The following DMD variants were observed in gnomAD, a reference collection of about 807,000 sequenced individuals.
The protein encoded by DMD is dystrophin.
Under a neutral mutation model 330.1 loss-of-function variants are expected in DMD, and 63 were observed. The ratio of observed to expected loss-of-function variants is 0.19; its 90% CI spans 0.16 to 0.24. The LOEUF is 0.24. Ranked by LOEUF, DMD falls within the 10% of genes least tolerant of loss-of-function variation. The probability of loss-of-function intolerance (pLI) is 1.00; values close to 1 mark genes in which losing one functional copy is unlikely to be tolerated. For missense variants in DMD, 3,344 were observed against 2,684.1 expected, an observed-to-expected ratio of 1.25 and a Z score of -5.43; for synonymous variants, 1,223 against 959.8, an observed-to-expected ratio of 1.27 and a Z score of -5.07.
intron 2 of DMD, among the ~76,000 whole-genome samples, chrX:32,854,873 C>A (rs1426289123): frequency 9.0e-6 from 1 of 111,538 alleles, no homozygotes; most frequent in Non-Finnish European, 1.9e-5. Context: ...AGACAGATAT[C>A]CAGAAAACAA....
intron 1 of DMD, among the ~76,000 whole-genome samples, chrX:33,188,249 T>C (rs1053314185): frequency 9.1e-6 from 1 of 110,380 alleles, no homozygotes; most frequent in South Asian, 3.9e-4. Context: ...TCTCTCTCTC[T>C]CTCTCTCTGT....
intron 7 of DMD, among the ~76,000 whole-genome samples, chrX:32,707,917 ACT>A (rs955012259): frequency 1.8e-5 from 2 of 111,520 alleles, no homozygotes; most frequent in African/African-American, 3.3e-5. Flanking sequence ...GTGACATTTA[ACT>A]CTGCTTAAGT....
intron 7 of DMD, among the ~76,000 whole-genome samples, chrX:32,784,803 C>T (rs1314691610): frequency 3.6e-5 from 4 of 111,433 alleles, no homozygotes; most frequent in African/African-American, 1.3e-4. Flanking sequence ...AAAACATGCT[C>T]TGTACTTTAA....
chrX:32,533,035 G>C (rs1214765398), intron 17 of DMD, among the ~76,000 whole-genome samples: 3 of 111,432 alleles, frequency 2.7e-5, no homozygotes, highest in African/African-American at 9.8e-5. Flanking sequence ...GAGTTGAGTA[G>C]TTTTAAAATA....
chrX:31,946,285 G>A (rs1258868052), intron 45 of DMD, among the ~76,000 whole-genome samples: 2 of 111,437 alleles, frequency 1.8e-5, no homozygotes, highest in East Asian at 5.6e-4. Flanking sequence ...CTTTTATCAA[G>A]GTAGAAGAAA....
intron 38 of DMD, among the ~76,000 whole-genome samples, chrX:32,346,374 G>A (rs2097763862): frequency 9.0e-6 from 1 of 111,276 alleles, no homozygotes; most frequent in South Asian, 3.7e-4. Flanking sequence ...TACTGTGAAA[G>A]TATTCTTTTG....
chrX:33,211,387 C>T lies in DMD; in HGVS notation c.-75G>A, dbSNP rs778938887. On this transcript the variant is annotated 5_prime_UTR_variant, in exon 1 of 79. Coordinates refer to ENST00000357033, the MANE Select transcript of DMD (RefSeq NM_004006.3). ...CTTCAAACTTTATTGCTCCAGTAGG[C>T]TTAAAAACAATGAGAAACCAACAAA... 169 of 1,181,096 alleles carry T rather than the reference C, an allele frequency of 1.4e-4. No individual in the cohort carries two copies. Among genetic ancestry groups the T allele is most frequent in the Middle Eastern group, 4.7e-4 (2 of 4,257 alleles).
At chrX:32,575,315 A>G (rs1218314804) in intron 13 of DMD, among the ~76,000 whole-genome samples, 1 of 112,389 alleles carries the variant, frequency 8.9e-6, no homozygotes, top group East Asian at 2.8e-4. Context: ...ATTTTCCTAC[A>G]GTATTAACAT....
chrX:32,422,746 T>C (rs967008302), intron 29 of DMD, among the ~76,000 whole-genome samples: 11 of 111,731 alleles, frequency 9.8e-5, no homozygotes, highest in African/African-American at 3.6e-4. Flanking sequence ...CAAAGAAATG[T>C]TGTTTAACAT....
Position 32,554,965 on chromosome X carries a change from AAGAGAG to A in DMD, c.1993-9637_1993-9632del, listed in dbSNP as rs201281719. 1.2e-3 allele frequency among the ~76,000 whole-genome samples: 112 copies of A among 96,748 alleles called. 4 individuals are homozygous for A. Among genetic ancestry groups the A allele is most frequent in the African/African-American group, 4.0e-3 (106 of 26,814 alleles). The allele number at this position is 96,748 out of a possible 115,157, so 84.0% of individuals were successfully genotyped here. ...AGAGAGAGAGAGGGAGAGAGAAAGA[AAGAGAG>A]AGAGAGAGAGAGAAAGAAAGAGAGA... On this transcript the variant is annotated intron_variant, in intron 16 of 78. Transcript: ENST00000357033.
intron 55 of DMD, among the ~76,000 whole-genome samples, chrX:31,614,184 T>C (rs2078077625): frequency 1.8e-5 from 2 of 112,253 alleles, no homozygotes; most frequent in Admixed American, 9.4e-5. Context: ...CCTGGTCAAG[T>C]GGTTCATAAA....
intron 41 of DMD, among the ~76,000 whole-genome samples, chrX:32,317,780 A>G (rs2097588433): frequency 9.0e-6 from 1 of 110,767 alleles, no homozygotes. Context: ...TCAATGCATC[A>G]AAAGTGTAAC....
Position 31,348,648 on chromosome X carries a change from G to GAGAGAAAT in DMD, c.9085-22_9085-15dup. ...CTCGACGGCCACCTGGGAGGAAAAG[G>GAGAGAAAT]AGAGAAATGATGTTCTCTCATTCTA... is the stretch of plus-strand genomic sequence containing the variant. On this transcript the variant is annotated splice_polypyrimidine_tract_variant and intron_variant, in intron 60 of 78. Transcript: ENST00000357033. The GAGAGAAAT allele has an allele frequency of 8.4e-7, 1 of 1,184,333 alleles. No homozygotes were observed.
At position 31,910,327 on chromosome X, in the gene DMD, T is replaced by C. The variant is rs778013712; in HGVS notation, c.6912+19269A>G. ...GCAAGCAAGGAATTCAGCTTTGTTCTAGACTGCTGTTTGGCACAGTCTTAG... is the reference window on the plus strand; with the variant it reads ...GCAAGCAAGGAATTCAGCTTTGTTCCAGACTGCTGTTTGGCACAGTCTTAG... On this transcript the variant is annotated intron_variant, in intron 47 of 78. Transcript: ENST00000357033. Among the ~76,000 whole-genome samples, 12 of 110,870 alleles carry C rather than the reference T, an allele frequency of 1.1e-4. No homozygotes were observed. In the East Asian group the frequency reaches 3.4e-3, roughly 31 times the overall value.
At chrX:32,792,643 G>A (rs948499041) in intron 7 of DMD, among the ~76,000 whole-genome samples, 15 of 112,113 alleles carry the variant, frequency 1.3e-4, no homozygotes, top group Non-Finnish European at 2.3e-4. Context: ...TATGCAAACC[G>A]AAGCCAAAGG....
chrX:31,251,301 G>T (rs1334863065), intron 63 of DMD, among the ~76,000 whole-genome samples: 1 of 110,643 alleles, frequency 9.0e-6, no homozygotes, highest in Non-Finnish European at 1.9e-5. Flanking sequence ...TGGCCTTAAA[G>T]TGATAGCCTC....
chrX:31,401,307 T>C (rs745488674), intron 60 of DMD, among the ~76,000 whole-genome samples: 2 of 111,957 alleles, frequency 1.8e-5, no homozygotes, highest in Admixed American at 9.5e-5. Context: ...TCAATGATTT[T>C]AGAGTTGCTT....
intron 61 of DMD, among the ~76,000 whole-genome samples, chrX:31,335,130 C>T (rs191297989): frequency 8.9e-6 from 1 of 112,299 alleles, no homozygotes; most frequent in Admixed American, 9.4e-5. Context: ...AATGTAAGCT[C>T]CACAATAAAT....
intron 61 of DMD, among the ~76,000 whole-genome samples, chrX:31,330,271 A>C (rs745312445): frequency 9.0e-6 from 1 of 111,278 alleles, no homozygotes; most frequent in South Asian, 3.8e-4. Context: ...GTACCCTGGC[A>C]AATGCCCCCA....
Sources: allele counts gnomAD v4.1 joint callset (sites outside exome capture counted in the v4.1 genomes callset), GRCh38; gene constraint gnomAD v4.1.1; transcripts MANE v1.5; gene names NCBI Gene and HGNC (gene_info 2026-07-23, HGNC 2026-07-21).